CPA6: variants seen among roughly 807,000 people sequenced by gnomAD.
CPA6 encodes carboxypeptidase A6.
CPA6 carries 58 observed loss-of-function variants against 63.3 expected under a neutral mutation model. That is an observed-to-expected ratio of 0.92 (90% CI 0.74 to 1.14). CPA6 has a LOEUF of 1.14. CPA6 is among the 50% of genes most tolerant of loss of function. The pLI, the probability that CPA6 is intolerant of heterozygous loss-of-function variation, is 0.00. For missense variants in CPA6, 565 were observed against 526.6 expected (o/e 1.07, Z -0.71); for synonymous variants, 185 against 179.0 (o/e 1.03, Z -0.27).
intron 2 of CPA6, among the ~76,000 whole-genome samples, chr8:67,595,262 T>A (rs1407327493): frequency 6.6e-6 from 1 of 152,168 alleles, no homozygotes; most frequent in Non-Finnish European, 1.5e-5. Flanking sequence ...GAGGAGTACC[T>A]GGCCGTGTGA....
At chr8:67,538,289 AAAGTCTCCCACT>A (rs1235854746) in intron 2 of CPA6, among the ~76,000 whole-genome samples, 2 of 152,140 alleles carry the variant, frequency 1.3e-5, no homozygotes, top group African/African-American at 4.8e-5. Flanking sequence ...GTGGGGTGTT[AAAGTCTCCCACT>A]ATTAATGTGT....
chr8:67,694,960 G>T (rs1047349865), intron 1 of CPA6, among the ~76,000 whole-genome samples: 41 of 152,148 alleles, frequency 2.7e-4, no homozygotes, highest in African/African-American at 9.4e-4. Context: ...GAAGGAACAT[G>T]ATTGGAAAAT....
intron 1 of CPA6, among the ~76,000 whole-genome samples, chr8:67,655,520 T>TAA (rs1264055650): frequency 2.0e-5 from 3 of 152,232 alleles, no homozygotes; most frequent in African/African-American, 7.2e-5. Flanking sequence ...GAAAACCATT[T>TAA]AAAGTCTTTA....
At chr8:67,461,045 A>AT (rs1490504336) in intron 8 of CPA6, among the ~76,000 whole-genome samples, 1 of 123,232 alleles carries the variant, frequency 8.1e-6, no homozygotes, top group African/African-American at 4.5e-5. Flanking sequence ...GCATAATTCG[A>AT]TTTCTTTTTT....
chr8:67,720,991 T>G (rs571673219), intron 1 of CPA6, among the ~76,000 whole-genome samples: 1 of 152,318 alleles, frequency 6.6e-6, no homozygotes, highest in Non-Finnish European at 1.5e-5. Context: ...ACCCACTATG[T>G]GAAAAACTCC....
intron 1 of CPA6, among the ~76,000 whole-genome samples, chr8:67,704,092 A>T (rs1250106698): frequency 6.6e-6 from 1 of 152,196 alleles, no homozygotes; most frequent in Non-Finnish European, 1.5e-5. Context: ...TTGCCCTCTC[A>T]AATCCAAGGA....
intron 6 of CPA6, among the ~76,000 whole-genome samples, chr8:67,494,620 T>C (rs905995023): frequency 3.3e-5 from 5 of 152,130 alleles, no homozygotes; most frequent in African/African-American, 9.7e-5. Context: ...TCCATCTGCA[T>C]TGGCAACAAA....
intron 1 of CPA6, among the ~76,000 whole-genome samples, chr8:67,664,715 C>T (rs1816190494): frequency 6.6e-6 from 1 of 151,944 alleles, no homozygotes. Context: ...ATTTCCCAGT[C>T]AATGGAAAAG....
At chr8:67,616,260 C>T (rs1307129636) in intron 2 of CPA6, among the ~76,000 whole-genome samples, 6 of 152,160 alleles carry the variant, frequency 3.9e-5, no homozygotes, top group African/African-American at 7.2e-5. Context: ...CTATGGTGAA[C>T]ACTTAAAAGG....
At chr8:67,695,768 T>C (rs1409532030) in intron 1 of CPA6, among the ~76,000 whole-genome samples, 1 of 152,208 alleles carries the variant, frequency 6.6e-6, no homozygotes, top group African/African-American at 2.4e-5. Context: ...CTACATGTTT[T>C]AAATCAGTGT....
chr8:67,422,374 G>T lies in CPA6; in HGVS notation c.*130C>A. 1 of 658,688 alleles carries T rather than the reference G, an allele frequency of 1.5e-6. No individual in the cohort carries two copies. The highest frequency in any genetic ancestry group is 2.6e-5 in the East Asian group (1 of 38,796). The allele number at this position is 658,688 out of a possible 1,614,324, so 40.8% of individuals were successfully genotyped here. ...CTATTGCCACAAAGTCAAATTGCGTGGGGTCTTTTTAAAGTCCATAGACAT... is the reference window on the plus strand; with the variant it reads ...CTATTGCCACAAAGTCAAATTGCGTTGGGTCTTTTTAAAGTCCATAGACAT... On this transcript the variant is annotated 3_prime_UTR_variant, in exon 11 of 11. Coordinates refer to ENST00000297770, the MANE Select transcript of CPA6 (RefSeq NM_020361.5).
At chr8:67,509,125 G>A (rs1811991586) in intron 5 of CPA6, among the ~76,000 whole-genome samples, 1 of 152,122 alleles carries the variant, frequency 6.6e-6, no homozygotes, top group Non-Finnish European at 1.5e-5. Flanking sequence ...GGGGAAATCT[G>A]CCTTCATGAT....
At chr8:67,658,408 A>G (rs1816037689) in intron 1 of CPA6, among the ~76,000 whole-genome samples, 1 of 152,190 alleles carries the variant, frequency 6.6e-6, no homozygotes, top group Admixed American at 6.5e-5. Flanking sequence ...TGTTAAACGA[A>G]TAGCTGCACA....
intron 2 of CPA6, among the ~76,000 whole-genome samples, chr8:67,539,631 G>T (rs377000155): frequency 3.9e-5 from 6 of 152,146 alleles, no homozygotes; most frequent in African/African-American, 1.4e-4. Context: ...TTTCAGGTAT[G>T]CCAATCAAAT....
intron 1 of CPA6, among the ~76,000 whole-genome samples, chr8:67,629,336 C>G (rs1815265706): frequency 6.6e-6 from 1 of 151,198 alleles, no homozygotes; most frequent in African/African-American, 2.4e-5. Context: ...AAATAAATAG[C>G]TGGGCATCAT....
At chr8:67,437,834 T>C (rs1046434752) in intron 8 of CPA6, among the ~76,000 whole-genome samples, 1 of 151,766 alleles carries the variant, frequency 6.6e-6, no homozygotes, top group African/African-American at 2.4e-5. Context: ...CAATATGTGA[T>C]AAATGGGAGC....
chr8:67,433,979 T>C, intron 9 of CPA6, 59 bp downstream of exon 9: 2 of 1,211,662 alleles, frequency 1.7e-6, no homozygotes, highest in Non-Finnish European at 2.5e-6. Context: ...CTTAGAACCA[T>C]CTTAGCTTCA....
At chr8:67,444,079 C>T in intron 8 of CPA6, among the ~76,000 whole-genome samples, 1 of 151,712 alleles carries the variant, frequency 6.6e-6, no homozygotes, top group East Asian at 2.0e-4. Flanking sequence ...GCAAGCTCCG[C>T]CTCCCGGGTT....
In CPA6 at chr8:67,506,879, G is replaced by T. The variant is rs773734224; in HGVS notation, c.544C>A (p.Arg182=). The T allele has an allele frequency of 2.5e-6, 4 of 1,612,508 alleles. No individual in the cohort carries two copies. The highest frequency in any genetic ancestry group is 3.4e-6 in the Non-Finnish European group (4 of 1,178,850). The part of the protein sequence containing the change: ...RSLFILKLGR[R]SRLKRAVWID... ...CAAACAGCTCTTTTGAGTCGTGATCGTCTGCCCAGCTGAAAACAAGAGCAT... is the reference window on the plus strand; with the variant it reads ...CAAACAGCTCTTTTGAGTCGTGATCTTCTGCCCAGCTGAAAACAAGAGCAT... Residue 182 remains arginine, a synonymous_variant, in exon 6 of 11, where the codon CGA becomes AGA. Transcript: ENST00000297770.
Sources: allele counts gnomAD v4.1 joint callset (sites outside exome capture counted in the v4.1 genomes callset), GRCh38; gene constraint gnomAD v4.1.1; transcripts MANE v1.5; gene names NCBI Gene and HGNC (gene_info 2026-07-23, HGNC 2026-07-21).